EYS: variants seen among roughly 807,000 people sequenced by gnomAD.
EYS encodes protein eyes shut homolog.
In EYS, 250 loss-of-function variants were observed where a neutral mutation model predicts 282.1. That is an observed-to-expected ratio of 0.89 (90% CI 0.80 to 0.98). EYS has a LOEUF of 0.98. Among genes scored for constraint, EYS ranks in the 50% least tolerant of loss-of-function variants. The pLI, the probability that EYS is intolerant of heterozygous loss-of-function variation, is 0.00. For missense variants in EYS, 4,016 were observed against 3,709.0 expected, an observed-to-expected ratio of 1.08 and a Z score of -2.15; for synonymous variants, 1,355 against 1,282.9, an observed-to-expected ratio of 1.06 and a Z score of -1.20.
chr6:65,244,396 G>A (rs7764552), intron 12 of EYS, among the ~76,000 whole-genome samples: 6,060 of 152,170 alleles, frequency 0.04, 367 homozygotes, highest in African/African-American at 0.13. Context: ...TACTAGAAAT[G>A]TCTCCCTAAA....
rs563746371 is a variant in EYS at position 64,452,203 on chromosome 6, A to G, written c.5645-12851T>C. Among the ~76,000 whole-genome samples, 5 of 152,248 alleles carry G rather than the reference A, an allele frequency of 3.3e-5. No individual in the cohort carries two copies. The East Asian group carries it at 9.7e-4, about 29-fold the overall frequency. On this transcript the variant is annotated intron_variant, in intron 26 of 42. Transcript: ENST00000503581. Reference sequence around the variant, plus strand: ...ATGTGCAAAAATCACAAGCATTCTTATACACCAATAACAGACAAACAGAGA... The same window carrying G: ...ATGTGCAAAAATCACAAGCATTCTTGTACACCAATAACAGACAAACAGAGA...
chr6:65,314,931 T>A (rs141289215), intron 11 of EYS, among the ~76,000 whole-genome samples: 1,868 of 149,700 alleles, frequency 0.012, 55 homozygotes, highest in African/African-American at 0.045. Flanking sequence ...TTGATTAAAT[T>A]GATTGATAAA....
At chr6:65,239,982 T>A (rs1171363666) in intron 12 of EYS, among the ~76,000 whole-genome samples, 1 of 151,970 alleles carries the variant, frequency 6.6e-6, no homozygotes, top group Non-Finnish European at 1.5e-5. Flanking sequence ...ATTTTTTTTT[T>A]TTTTGAGACA....
At chr6:65,030,185 A>G (rs76666337) in intron 13 of EYS, among the ~76,000 whole-genome samples, 11,758 of 152,138 alleles carry the variant, frequency 0.077, 576 homozygotes, top group African/African-American at 0.14. Flanking sequence ...GATCTTGCCA[A>G]TAAGATGGAT....
At chr6:64,641,316 T>C (rs1255880335) in intron 22 of EYS, among the ~76,000 whole-genome samples, 2 of 152,148 alleles carry the variant, frequency 1.3e-5, no homozygotes, top group Non-Finnish European at 2.9e-5. Flanking sequence ...ATCACCAGAA[T>C]AGTGCAGGAA....
chr6:64,949,506 A>C (rs1220661903), intron 14 of EYS, among the ~76,000 whole-genome samples: 1 of 151,912 alleles, frequency 6.6e-6, no homozygotes, highest in Middle Eastern at 3.2e-3. Flanking sequence ...GGACAACAGG[A>C]GAATCTCTGC....
chr6:64,962,557 C>A (rs868134750), intron 14 of EYS, among the ~76,000 whole-genome samples: 5 of 151,356 alleles, frequency 3.3e-5, no homozygotes, highest in African/African-American at 1.2e-4. Context: ...TAGGAAGACA[C>A]CCTATCTTTA....
intron 18 of EYS, among the ~76,000 whole-genome samples, chr6:64,889,932 C>T (rs1379536735): frequency 6.6e-6 from 1 of 151,912 alleles, no homozygotes; most frequent in Non-Finnish European, 1.5e-5. Context: ...TGGAACGGAG[C>T]CATATTTCTC....
intron 15 of EYS, among the ~76,000 whole-genome samples, chr6:64,939,964 A>G (rs563353576): frequency 2.0e-5 from 3 of 152,172 alleles, no homozygotes; most frequent in East Asian, 1.9e-4. Context: ...AAGACTAACA[A>G]AACAATCCCC....
rs769240399 is a variant in EYS at position 64,864,385 on chromosome 6, C to CTTTTTTTTTTTTTTTTTTT, written c.2992+22293_2992+22311dup. Among the ~76,000 whole-genome samples the CTTTTTTTTTTTTTTTTTTT allele has an allele frequency of 1.3e-3, 72 of 57,190 alleles. 9 individuals are homozygous for CTTTTTTTTTTTTTTTTTTT. The highest frequency in any genetic ancestry group is 2.1e-3 in the African/African-American group (36 of 17,116). 37.5% of individuals were successfully genotyped at this position (57,190 alleles called of 152,430 possible). A position where few individuals can be genotyped will look rare whatever the true frequency, so the allele number is the denominator to read the frequency against. On this transcript the variant is annotated intron_variant, in intron 19 of 42. Coordinates refer to ENST00000503581, the MANE Select transcript of EYS (RefSeq NM_001142800.2). The stretch of plus-strand genomic sequence containing the variant: ...GAGAAATACAGAGGTGCTATACCTT[C>CTTTTTTTTTTTTTTTTTTT]TTTTTTTTTTTTTTTTTTTTTGACA...
chr6:64,994,698 T>A (rs1040600391), intron 14 of EYS, among the ~76,000 whole-genome samples: 2 of 152,118 alleles, frequency 1.3e-5, no homozygotes, highest in African/African-American at 2.4e-5. Flanking sequence ...ACTCAAAAAA[T>A]TATGTATTAT....
At chr6:65,129,652 T>C (rs1304471121) in intron 12 of EYS, among the ~76,000 whole-genome samples, 4 of 151,726 alleles carry the variant, frequency 2.6e-5, no homozygotes, top group Admixed American at 2.6e-4. Flanking sequence ...AATCAGAAAG[T>C]GATAAAATAA....
intron 33 of EYS, among the ~76,000 whole-genome samples, chr6:64,013,444 T>A (rs1446782186): frequency 6.6e-6 from 1 of 152,292 alleles, no homozygotes; most frequent in Middle Eastern, 3.4e-3. Flanking sequence ...AGCTTCCTGT[T>A]TTTTTTGACC....
Position 63,746,618 on chromosome 6 carries a change from A to G in EYS, c.8071+15843T>C, listed in dbSNP as rs369390723. ...CAATTTTAGAACTTGTTATTGGTCT[A>G]TTCGTGGACTCAACTTCTTCCTGGT... On this transcript the variant is annotated intron_variant, in intron 41 of 42. Transcript: ENST00000503581. 4.6e-5 allele frequency among the ~76,000 whole-genome samples: 7 copies of G among 152,280 alleles called. No individual in the cohort carries two copies. The East Asian group carries it at 1.4e-3, about 29-fold the overall frequency.
At chr6:64,534,616 T>C (rs1352768414) in intron 26 of EYS, among the ~76,000 whole-genome samples, 1 of 152,202 alleles carries the variant, frequency 6.6e-6, no homozygotes, top group Non-Finnish European at 1.5e-5. Flanking sequence ...CTTTCTCTTT[T>C]CATTTGACTT....
At chr6:65,086,104 G>A (rs946188667) in intron 12 of EYS, among the ~76,000 whole-genome samples, 1 of 149,168 alleles carries the variant, frequency 6.7e-6, no homozygotes, top group African/African-American at 2.5e-5. Context: ...GAAATTAATA[G>A]ATGATGGCAA....
chr6:65,219,511 A>T (rs1416381706), intron 12 of EYS, among the ~76,000 whole-genome samples: 2 of 152,186 alleles, frequency 1.3e-5, no homozygotes, highest in Non-Finnish European at 2.9e-5. Context: ...ACTTTTTTTC[A>T]GACTAAGAAA....
chr6:65,337,242 C>G (rs66980522), intron 10 of EYS, among the ~76,000 whole-genome samples: 27,598 of 151,318 alleles, frequency 0.18, 3,017 homozygotes, highest in Middle Eastern at 0.26. Context: ...TTGACATGAA[C>G]AGATAATAAA....
At chr6:65,451,203 C>G (rs1174867195) in intron 5 of EYS, among the ~76,000 whole-genome samples, 1 of 151,920 alleles carries the variant, frequency 6.6e-6, no homozygotes, top group Non-Finnish European at 1.5e-5. Context: ...GTAGCCAATT[C>G]TAAGTTGGAG....
Sources: allele counts gnomAD v4.1 joint callset (sites outside exome capture counted in the v4.1 genomes callset), GRCh38; gene constraint gnomAD v4.1.1; transcripts MANE v1.5; gene names NCBI Gene and HGNC (gene_info 2026-07-23, HGNC 2026-07-21).